Variants in PMPCB observed in about 807,000 individuals in gnomAD.
PMPCB encodes the protein peptidase, mitochondrial processing subunit beta.
In PMPCB, 46 loss-of-function variants were observed where a neutral mutation model predicts 61.5. The observed-to-expected ratio is 0.75, with a 90% CI of 0.59 to 0.96. The LOEUF is 0.96. Among genes scored for constraint, PMPCB ranks in the 40% least tolerant of loss-of-function variants. The pLI is 0.00. For missense variants in PMPCB, 590 were observed against 602.4 expected (o/e 0.98, Z 0.22); for synonymous variants, 191 against 201.6 (o/e 0.95, Z 0.44).
Position 103,313,836 on chromosome 7 carries a change from A to C in PMPCB, c.*1565A>C, listed in dbSNP as rs1586058434. 4.1e-6 allele frequency: 4 copies of C among 985,152 alleles called. No individual in the cohort carries two copies. Among genetic ancestry groups the C allele is most frequent in the Non-Finnish European group, 4.8e-6 (4 of 829,652 alleles). The allele number at this position is 985,152 out of a possible 1,614,324, so 61.0% of individuals were successfully genotyped here. ...ACAGTCCACTTGTGTAGGTAAAAGTAGAATGTTAAGTGGTAGAAAGCTGAT... is the reference window on the plus strand; with the variant it reads ...ACAGTCCACTTGTGTAGGTAAAAGTCGAATGTTAAGTGGTAGAAAGCTGAT... On this transcript the variant is annotated 3_prime_UTR_variant, in exon 13 of 13. Transcript: ENST00000249269.
At position 103,304,430 on chromosome 7, in the gene PMPCB, T is replaced by G; in HGVS notation, c.676T>G (p.Leu226Val). 6.3e-7 allele frequency: 1 copy of G among 1,597,162 alleles called. No homozygotes were observed. Among genetic ancestry groups the G allele is most frequent in the Non-Finnish European group, 8.6e-7 (1 of 1,164,492 alleles). The change falls in exon 6 of 13, where the codon TTA becomes GTA. Residue 226 changes from leucine to valine, a missense_variant. Coordinates refer to ENST00000249269, the MANE Select transcript of PMPCB (RefSeq NM_004279.3). ...ENIKSISRKD[L>V]VDYITTHYKG... ...TTACAGATCTATAAGTCGTAAGGAC[T>G]TAGTGGATTATATAACCACACATTA...
chr7:103,311,323 A>G, intron 9 of PMPCB: 1 of 285,768 alleles, frequency 3.5e-6, no homozygotes, highest in Non-Finnish European at 6.5e-6. Context: ...CCAATGAATG[A>G]CCCACTGACT....
At chr7:103,336,354 T>A in the PMPCB span, 1 of 152,222 alleles carries the variant, frequency 6.6e-6, no homozygotes, top group Non-Finnish European at 1.5e-5. Flanking sequence ...GCTATTCTAT[T>A]TTTTCGGAAA....
chr7:103,303,488 C>G (rs956761533), intron 4 of PMPCB, among the ~76,000 whole-genome samples: 2 of 152,174 alleles, frequency 1.3e-5, no homozygotes, highest in East Asian at 1.9e-4. Flanking sequence ...TACAAACCCT[C>G]TGTACATTGC....
chr7:103,333,940 C>T (rs1165318057), downstream of PMPCB, among the ~76,000 whole-genome samples: 2 of 151,230 alleles, frequency 1.3e-5, no homozygotes, highest in Non-Finnish European at 2.9e-5. Context: ...TGTGAATAGG[C>T]TGTTGTGAAC....
intron 12 of PMPCB, among the ~76,000 whole-genome samples, chr7:103,325,024 C>T (rs1180997665): frequency 6.6e-6 from 1 of 152,330 alleles, no homozygotes. Flanking sequence ...CCAGATTTCT[C>T]GGCTCAGCAC....
rs2115746389 is a variant in PMPCB at position 103,313,516 on chromosome 7, GTT to G, written c.*1246_*1247del. On this transcript the variant is annotated 3_prime_UTR_variant, in exon 13 of 13. Transcript: ENST00000249269. ...GAATAGGTAAAAGAGCTTCCTCACA[GTT>G]AAACTTTTGCTGGATAGAAACCCTG... The G allele has an allele frequency of 1.0e-6, 1 of 984,410 alleles. No homozygotes were observed. Among genetic ancestry groups the G allele is most frequent in the East Asian group, 1.1e-4 (1 of 8,822 alleles). The allele number at this position is 984,410 out of a possible 1,614,324, so 61.0% of individuals were successfully genotyped here. A position where few individuals can be genotyped will look rare whatever the true frequency, so the allele number is the denominator to read the frequency against.
the PMPCB span, chr7:103,344,396 G>T: frequency 2.8e-6 from 2 of 704,612 alleles, no homozygotes; most frequent in Non-Finnish European, 4.8e-6. Flanking sequence ...TCTAGGGTAG[G>T]ATTACTTTAA....
chr7:103,297,946 T>C, intron 1 of PMPCB: 1 of 1,229,494 alleles, frequency 8.1e-7, no homozygotes, highest in South Asian at 1.5e-5. Context: ...AACCTGGACA[T>C]CAATGAAGTA....
intron 4 of PMPCB, among the ~76,000 whole-genome samples, chr7:103,303,518 T>A (rs1405854524): frequency 6.6e-6 from 1 of 152,210 alleles, no homozygotes; most frequent in East Asian, 1.9e-4. Context: ...ATTTTCAGAC[T>A]AATATATATA....
rs571156214 is a variant in PMPCB at position 103,301,804 on chromosome 7, TA to T, written c.457+1498del. On this transcript the variant is annotated intron_variant, in intron 4 of 12. Transcript: ENST00000249269. ...TCACTTATTCTTTTTTTTTAATTTT[TA>T]TTTTTTATTATTATACTTTAAGTTC... Among the ~76,000 whole-genome samples, 7 of 152,222 alleles carry T rather than the reference TA, an allele frequency of 4.6e-5. No homozygotes were observed. The South Asian group carries it at 1.5e-3, about 32-fold the overall frequency.
chr7:103,320,775 A>G lies in PMPCB; in HGVS notation c.*1432-8156A>G, dbSNP rs1818353944. 8 of 169,046 alleles carry G rather than the reference A, an allele frequency of 4.7e-5. No individual in the cohort carries two copies. The South Asian group carries it at 8.6e-4, about 18-fold the overall frequency. 10.5% of individuals were successfully genotyped at this position (169,046 alleles called of 1,614,324 possible). On this transcript the variant is annotated intron_variant and NMD_transcript_variant, in intron 12 of 12. Coordinates refer to the PMPCB transcript ENST00000444457. ...TATATATATACACATATATATATATATATATATATTCTGAAACTGTGTCTA... is the reference window on the plus strand; with the variant it reads ...TATATATATACACATATATATATATGTATATATATTCTGAAACTGTGTCTA...
In PMPCB at chr7:103,313,590, A is replaced by G; in HGVS notation, c.*1319A>G. 1.0e-6 allele frequency: 1 copy of G among 982,474 alleles called. No individual in the cohort carries two copies. Among genetic ancestry groups the G allele is most frequent in the Non-Finnish European group, 1.2e-6 (1 of 827,270 alleles). 60.9% of individuals were successfully genotyped at this position (982,474 alleles called of 1,614,324 possible). A position where few individuals can be genotyped will look rare whatever the true frequency, so the allele number is the denominator to read the frequency against. On this transcript the variant is annotated 3_prime_UTR_variant, in exon 13 of 13. Transcript: ENST00000249269. ...TGAAGGAAACAAACCTAGCAAAATT[A>G]AGCCAAGTGCCCAAGGTACCAGTGC...
At chr7:103,317,125 G>C, downstream of PMPCB, 1 of 953,192 alleles carries the variant, frequency 1.0e-6, no homozygotes, top group South Asian at 1.6e-5. Flanking sequence ...TTCTCACTCT[G>C]ACCCCATACT....
Position 103,297,525 on chromosome 7 carries a change from CGA to C in PMPCB, c.70_71del (p.Leu25SerfsTer32), listed in dbSNP as rs1354882436. On this transcript the variant is annotated frameshift_variant, in exon 1 of 13. Transcript: ENST00000249269. LOFTEE classifies it high-confidence loss of function. ...CGCGGCGGCGGCTCTGGGGTTTCAG[CGA>C]GAGTCTTCTAATCCGAGGCGCTGCG... ...AARRRLWGFS[E>X]SLLIRGAAGR... 3 of 1,603,594 alleles carry C rather than the reference CGA, an allele frequency of 1.9e-6. No homozygotes were observed. The highest frequency in any genetic ancestry group is 1.3e-5 in the African/African-American group (1 of 74,508).
At chr7:103,325,209 C>T (rs996651156) in intron 12 of PMPCB, among the ~76,000 whole-genome samples, 8 of 152,120 alleles carry the variant, frequency 5.3e-5, no homozygotes, top group Non-Finnish European at 1.0e-4. Flanking sequence ...TTTGGGAGGC[C>T]GAGGCCAGCG....
chr7:103,328,793 G>T, intron 12 of PMPCB: 1 of 284,914 alleles, frequency 3.5e-6, no homozygotes, highest in Non-Finnish European at 6.8e-6. Flanking sequence ...AGTATTTCAA[G>T]TAGATTTGTT....
chr7:103,327,348 A>C, intron 12 of PMPCB: 2 of 1,296,598 alleles, frequency 1.5e-6, no homozygotes, highest in South Asian at 1.2e-5. Flanking sequence ...TAACTGTAGG[A>C]TGAGCTTCTG....
chr7:103,329,814 G>A (rs1332157619), downstream of PMPCB, among the ~76,000 whole-genome samples: 4 of 152,034 alleles, frequency 2.6e-5, no homozygotes, highest in Non-Finnish European at 5.9e-5. Context: ...TTGCTTATTT[G>A]TCTTGCATCT....
Sources: allele counts gnomAD v4.1 joint callset (sites outside exome capture counted in the v4.1 genomes callset), GRCh38; gene constraint gnomAD v4.1.1; transcripts MANE v1.5; gene names NCBI Gene and HGNC (gene_info 2026-07-23, HGNC 2026-07-21).